LAMA2: variants seen among roughly 807,000 people sequenced by gnomAD.
LAMA2 encodes laminin subunit alpha-2.
Under a neutral mutation model 364.8 loss-of-function variants are expected in LAMA2, and 269 were observed. That is an observed-to-expected ratio of 0.74 (90% CI 0.67 to 0.82). The LOEUF (loss-of-function observed/expected upper bound fraction) is 0.82, where lower values mean the gene tolerates loss of function less well. LAMA2 is among the 40% of genes least tolerant of loss of function. The pLI, the probability that LAMA2 is intolerant of heterozygous loss-of-function variation, is 0.00. For synonymous variants in LAMA2, 1,379 were observed against 1,370.6 expected (o/e 1.01, Z -0.14); for missense variants, 3,807 against 3,873.2 (o/e 0.98, Z 0.45).
intron 1 of LAMA2, chr6:128,929,382 G>A: frequency 1.0e-6 from 1 of 967,750 alleles, no homozygotes; most frequent in Admixed American, 1.7e-5. Flanking sequence ...AAGTTCATCA[G>A]TCATGTGAGG....
At chr6:128,996,518 T>C (rs1783950330) in intron 1 of LAMA2, among the ~76,000 whole-genome samples, 1 of 152,030 alleles carries the variant, frequency 6.6e-6, no homozygotes, top group Admixed American at 6.5e-5. Flanking sequence ...AACAAACATA[T>C]GAAAAAAAGC....
chr6:128,926,653 T>C (rs561333169), intron 1 of LAMA2, among the ~76,000 whole-genome samples: 1 of 152,328 alleles, frequency 6.6e-6, no homozygotes, highest in Non-Finnish European at 1.5e-5. Flanking sequence ...GAAGACACCA[T>C]AGACCACATT....
At chr6:129,037,190 G>A (rs1786701731) in intron 1 of LAMA2, among the ~76,000 whole-genome samples, 1 of 152,096 alleles carries the variant, frequency 6.6e-6, no homozygotes, top group African/African-American at 2.4e-5. Flanking sequence ...AGACCTAGAA[G>A]CTGAAATGGA....
At chr6:129,370,114 A>T (rs1321328627) in intron 34 of LAMA2, 124 bp downstream of exon 34, 4 of 795,870 alleles carry the variant, frequency 5.0e-6, no homozygotes, top group Non-Finnish European at 8.5e-6. Flanking sequence ...TATAAAATAG[A>T]TGTATTCTGA....
intron 1 of LAMA2, among the ~76,000 whole-genome samples, chr6:128,897,225 A>G (rs1776827225): frequency 1.3e-5 from 2 of 152,038 alleles, no homozygotes; most frequent in Admixed American, 1.3e-4. Flanking sequence ...AGGTGATTTT[A>G]TTTCCCTTTT....
intron 1 of LAMA2, among the ~76,000 whole-genome samples, chr6:128,990,146 G>A (rs1783518108): frequency 6.6e-6 from 1 of 152,168 alleles, no homozygotes; most frequent in East Asian, 1.9e-4. Flanking sequence ...ACAGAGATAT[G>A]TTTCAGAGGA....
rs115881055 is a variant in LAMA2 at position 129,408,532 on chromosome 6, G to A, written c.5865+4573G>A. Among the ~76,000 whole-genome samples, 409 of 152,256 alleles carry A rather than the reference G, an allele frequency of 2.7e-3. 3 individuals carry two copies. Among genetic ancestry groups the A allele is most frequent in the African/African-American group, 9.5e-3 (395 of 41,532 alleles). ...ATGGTACTCTTGGCAGAAACATTGG[G>A]CGTAGGATGGGCAAATCCATATCCA... On this transcript the variant is annotated intron_variant, in intron 40 of 64. Transcript: ENST00000421865.
chr6:129,064,906 A>G (rs1789190637), intron 3 of LAMA2, among the ~76,000 whole-genome samples: 1 of 152,180 alleles, frequency 6.6e-6, no homozygotes, highest in African/African-American at 2.4e-5. Flanking sequence ...TTCCAAACTT[A>G]TTTTATGAGG....
In LAMA2 at chr6:129,393,051, A is replaced by G. The variant is rs2114674518; in HGVS notation, c.5241A>G (p.Ala1747=). Residue 1747 remains alanine (A), a synonymous_variant, in exon 37 of 65, where the codon GCA becomes GCG. Transcript: ENST00000421865. The stretch of plus-strand genomic sequence containing the variant: ...GGGCTGGGGGTGGTTACAGAGCTGC[A>G]GAAGCCCTTCTGAAAAAAGTGAAGA... ...KEIAEDELVA[A]EALLKKVKKL... 6.2e-7 allele frequency: 1 copy of G among 1,613,352 alleles called. No homozygotes were observed.
chr6:129,349,488 A>G, intron 31 of LAMA2, 104 bp downstream of exon 31: 2 of 933,428 alleles, frequency 2.1e-6, no homozygotes, highest in South Asian at 2.6e-5. Context: ...CAATATTTGC[A>G]TATCCTTTAG....
chr6:129,248,637 C>T (rs981410377), intron 12 of LAMA2, among the ~76,000 whole-genome samples: 2 of 151,998 alleles, frequency 1.3e-5, no homozygotes, highest in African/African-American at 2.4e-5. Context: ...AGGCCTATGT[C>T]CCAATATTCT....
At chr6:129,109,352 C>T (rs890661069) in intron 4 of LAMA2, among the ~76,000 whole-genome samples, 3 of 152,016 alleles carry the variant, frequency 2.0e-5, no homozygotes, top group Non-Finnish European at 4.4e-5. Context: ...TTTTTGACTA[C>T]GACTTTAATG....
chr6:129,094,141 G>C (rs1775027261), intron 3 of LAMA2, among the ~76,000 whole-genome samples: 1 of 152,108 alleles, frequency 6.6e-6, no homozygotes, highest in African/African-American at 2.4e-5. Flanking sequence ...TGTTAAAATT[G>C]TTACAGTTAC....
At chr6:129,326,726 A>G (rs967477613) in intron 28 of LAMA2, among the ~76,000 whole-genome samples, 2 of 145,330 alleles carry the variant, frequency 1.4e-5, no homozygotes, top group South Asian at 4.2e-4. Flanking sequence ...TTTATATATT[A>G]TATATATTTT....
intron 1 of LAMA2, among the ~76,000 whole-genome samples, chr6:128,906,086 A>C (rs1777444419): frequency 1.3e-5 from 2 of 149,546 alleles, no homozygotes; most frequent in Admixed American, 1.3e-4. Flanking sequence ...ATAGTGCCGC[A>C]ATAAACATAT....
intron 30 of LAMA2, among the ~76,000 whole-genome samples, chr6:129,343,532 A>G (rs1223784160): frequency 6.6e-6 from 1 of 152,186 alleles, no homozygotes; most frequent in Non-Finnish European, 1.5e-5. Flanking sequence ...ACCAAGTAGT[A>G]TGTGTATGAA....
chr6:129,511,725 TA>T (rs34028299), intron 62 of LAMA2, among the ~76,000 whole-genome samples: 28 of 150,478 alleles, frequency 1.9e-4, no homozygotes, highest in Middle Eastern at 3.4e-3. Context: ...GCTCAAAGAT[TA>T]AAAAAAAAAT....
intron 3 of LAMA2, among the ~76,000 whole-genome samples, chr6:129,078,493 A>G (rs896235705): frequency 5.3e-5 from 8 of 152,090 alleles, no homozygotes; most frequent in Admixed American, 5.2e-4. Flanking sequence ...CCTAAAAAAT[A>G]AAATATTAAA....
intron 1 of LAMA2, among the ~76,000 whole-genome samples, chr6:128,925,738 C>T (rs765969295): frequency 4.6e-5 from 7 of 152,172 alleles, no homozygotes; most frequent in Non-Finnish European, 8.8e-5. Flanking sequence ...ACAGAGAAAA[C>T]CAATGTCTTT....
Sources: gnomAD v4.1 joint callset for allele counts (sites outside exome capture counted in the v4.1 genomes callset) on GRCh38, gnomAD v4.1.1 for gene constraint, MANE v1.5 for transcripts, NCBI Gene and HGNC (gene_info 2026-07-23, HGNC 2026-07-21) for gene names.